Variants in NSMCE2 observed in about 807,000 individuals in gnomAD.
The protein encoded by NSMCE2 is E3 SUMO-protein ligase NSE2.
In NSMCE2, 24 loss-of-function variants were observed where a neutral mutation model predicts 23.8. The observed-to-expected ratio is 1.01, with a 90% CI of 0.73 to 1.42. The LOEUF is 1.42. NSMCE2 is among the 40% of genes most tolerant of loss of function. The pLI is 0.00. For missense variants in NSMCE2, 284 were observed against 296.5 expected (o/e 0.96, Z 0.31); for synonymous variants, 92 against 94.1 (o/e 0.98, Z 0.13).
intron 3 of NSMCE2, among the ~76,000 whole-genome samples, chr8:125,112,164 A>T (rs568150329): frequency 3.3e-5 from 5 of 152,376 alleles, no homozygotes; most frequent in African/African-American, 1.2e-4. Context: ...TACCAGCAAA[A>T]TAGCATTATA....
chr8:125,170,113 C>T (rs558754648), intron 4 of NSMCE2, among the ~76,000 whole-genome samples: 31 of 152,236 alleles, frequency 2.0e-4, no homozygotes, highest in African/African-American at 7.5e-4. Context: ...ACCTAGTCCT[C>T]TCTCCAAAAC....
At chr8:125,129,846 T>C (rs1443270231) in intron 3 of NSMCE2, among the ~76,000 whole-genome samples, 2 of 152,138 alleles carry the variant, frequency 1.3e-5, no homozygotes, top group African/African-American at 4.8e-5. Context: ...AAGTTGTAGA[T>C]AGTGGAGTTC....
intron 1 of NSMCE2, among the ~76,000 whole-genome samples, chr8:125,101,012 G>A (rs1818160955): frequency 6.6e-6 from 1 of 152,166 alleles, no homozygotes; most frequent in Admixed American, 6.5e-5. Flanking sequence ...GAAGTGCCTG[G>A]CACTTAAAGA....
intron 5 of NSMCE2, among the ~76,000 whole-genome samples, chr8:125,333,789 A>G (rs570831165): frequency 4.1e-4 from 63 of 152,130 alleles, no homozygotes; most frequent in Non-Finnish European, 7.5e-4. Context: ...CTGGGATTAC[A>G]GGCGTGAGCC....
chr8:125,342,565 G>A (rs1830289661), intron 5 of NSMCE2, among the ~76,000 whole-genome samples: 1 of 152,076 alleles, frequency 6.6e-6, no homozygotes, highest in African/African-American at 2.4e-5. Flanking sequence ...CTGACTCAGT[G>A]ATGCCTTCCC....
chr8:125,276,975 T>G (rs571635488), intron 5 of NSMCE2, among the ~76,000 whole-genome samples: 17 of 152,292 alleles, frequency 1.1e-4, no homozygotes, highest in Non-Finnish European at 2.1e-4. Flanking sequence ...GTTGGTGGCC[T>G]TGGTAATAAC....
intron 4 of NSMCE2, among the ~76,000 whole-genome samples, chr8:125,181,873 C>T (rs1017749917): frequency 5.9e-5 from 9 of 152,120 alleles, no homozygotes; most frequent in African/African-American, 2.2e-4. Flanking sequence ...GGGCCACTAG[C>T]TTACGGAAGC....
intron 5 of NSMCE2, among the ~76,000 whole-genome samples, chr8:125,222,788 G>T (rs1824924328): frequency 6.6e-6 from 1 of 152,148 alleles, no homozygotes; most frequent in Admixed American, 6.5e-5. Flanking sequence ...TAGAGGCGGG[G>T]TGCAGTGGCA....
chr8:125,349,886 G>A (rs1004559944), intron 5 of NSMCE2, among the ~76,000 whole-genome samples: 2 of 152,158 alleles, frequency 1.3e-5, no homozygotes, highest in African/African-American at 2.4e-5. Context: ...ACTGCACCCC[G>A]AGCGAGAGTG....
intron 5 of NSMCE2, among the ~76,000 whole-genome samples, chr8:125,345,522 G>A (rs373422880): frequency 3.3e-5 from 5 of 152,346 alleles, no homozygotes; most frequent in African/African-American, 4.8e-5. Context: ...ACATGAAGCT[G>A]AATCAGACAG....
At chr8:125,111,932 C>A (rs776097299) in intron 3 of NSMCE2, among the ~76,000 whole-genome samples, 3 of 152,168 alleles carry the variant, frequency 2.0e-5, no homozygotes, top group Non-Finnish European at 2.9e-5. Flanking sequence ...TATATTTCTC[C>A]ATTAGAGCAC....
chr8:125,127,785 T>C (rs1328091796), intron 3 of NSMCE2, among the ~76,000 whole-genome samples: 2 of 152,202 alleles, frequency 1.3e-5, no homozygotes, highest in Non-Finnish European at 2.9e-5. Flanking sequence ...ATTTCAGATT[T>C]TGGAATATTT....
At chr8:125,211,758 T>G (rs550557498) in intron 5 of NSMCE2, among the ~76,000 whole-genome samples, 11 of 152,376 alleles carry the variant, frequency 7.2e-5, no homozygotes, top group African/African-American at 2.4e-4. Flanking sequence ...TTATTAAACC[T>G]TTTGGTCTCT....
At chr8:125,270,224 T>C (rs1827121196) in intron 5 of NSMCE2, among the ~76,000 whole-genome samples, 1 of 152,160 alleles carries the variant, frequency 6.6e-6, no homozygotes. Flanking sequence ...CCCAGCACTT[T>C]GGGAGGCCAA....
intron 5 of NSMCE2, among the ~76,000 whole-genome samples, chr8:125,318,345 G>A (rs962294427): frequency 4.6e-5 from 7 of 152,118 alleles, no homozygotes; most frequent in African/African-American, 1.7e-4. Flanking sequence ...TGAGTTCTTG[G>A]TAAGCCAAGA....
intron 5 of NSMCE2, among the ~76,000 whole-genome samples, chr8:125,211,383 T>C (rs1249958631): frequency 1.3e-5 from 2 of 152,232 alleles, no homozygotes; most frequent in Non-Finnish European, 2.9e-5. Context: ...TCTGTTCTAC[T>C]TTGCTTTGTT....
At chr8:125,309,543 C>T (rs965204334) in intron 5 of NSMCE2, among the ~76,000 whole-genome samples, 9 of 151,900 alleles carry the variant, frequency 5.9e-5, no homozygotes, top group African/African-American at 2.2e-4. Context: ...GACAACATAG[C>T]GAGACCCCTG....
chr8:125,312,129 G>A lies in NSMCE2; in HGVS notation c.419-45090G>A, dbSNP rs146785935. 1.8e-4 allele frequency among the ~76,000 whole-genome samples: 27 copies of A among 148,854 alleles called. 1 individual carries two copies. In the East Asian group the frequency reaches 5.3e-3, roughly 29 times the overall value. ...AAAAGAAGATAATGATAAGGTCACA[G>A]AAAGAATAATAAAAACTGTAGAAAT... On this transcript the variant is annotated intron_variant, in intron 5 of 7. Transcript: ENST00000287437.
At chr8:125,104,475 G>A (rs1006699942) in intron 3 of NSMCE2, among the ~76,000 whole-genome samples, 1 of 152,150 alleles carries the variant, frequency 6.6e-6, no homozygotes, top group Admixed American at 6.5e-5. Context: ...TGATTGCCCC[G>A]AGGGTTCAGT....
Sources: gnomAD v4.1 joint callset for allele counts (sites outside exome capture counted in the v4.1 genomes callset) on GRCh38, gnomAD v4.1.1 for gene constraint, MANE v1.5 for transcripts, NCBI Gene and HGNC (gene_info 2026-07-23, HGNC 2026-07-21) for gene names.